The following EDNRB variants were observed in gnomAD, a reference collection of about 807,000 sequenced individuals.
EDNRB encodes the protein Hirschsprung disease 2.
EDNRB carries 18 observed loss-of-function variants against 46.4 expected under a neutral mutation model. That is an observed-to-expected ratio of 0.39 (90% CI 0.27 to 0.57). The LOEUF is 0.57. Ranked by LOEUF, EDNRB falls within the 20% of genes least tolerant of loss-of-function variation. EDNRB has a pLI of 0.61. For missense variants in EDNRB, 434 were observed against 537.5 expected (o/e 0.81, Z 1.90); for synonymous variants, 213 against 204.9 (o/e 1.04, Z -0.34).
rs1878627769 is a variant in EDNRB, at chr13:77,896,445, A to G, written c.*1755T>C. On this transcript the variant is annotated 3_prime_UTR_variant, in exon 7 of 7. Transcript: ENST00000646607. Reference sequence around the variant, plus strand: ...TAGAATCCATATGGTGTGTGAATTAATTATTATTGCTCTTTCTTTCTGGCC... The same window carrying G: ...TAGAATCCATATGGTGTGTGAATTAGTTATTATTGCTCTTTCTTTCTGGCC... 2 of 1,562,152 alleles carry G rather than the reference A, an allele frequency of 1.3e-6. No individual in the cohort carries two copies. Among genetic ancestry groups the G allele is most frequent in the African/African-American group, 1.4e-5 (1 of 73,992 alleles).
At chr13:77,920,614 A>G (rs1371228286), upstream of EDNRB, among the ~76,000 whole-genome samples, 2 of 152,240 alleles carry the variant, frequency 1.3e-5, no homozygotes, top group African/African-American at 4.8e-5. Flanking sequence ...CTATTTAAAA[A>G]GGTGAACTTT....
In EDNRB at chr13:77,900,797, G is replaced by T. The variant is rs538853995; in HGVS notation, c.952-143C>A. 6 of 1,302,998 alleles carry T rather than the reference G, an allele frequency of 4.6e-6. No homozygotes were observed. In the East Asian group the frequency reaches 1.5e-4, roughly 33 times the overall value. The allele number at this position is 1,302,998 out of a possible 1,614,324, so 80.7% of individuals were successfully genotyped here. A position where few individuals can be genotyped will look rare whatever the true frequency, so the allele number is the denominator to read the frequency against. The stretch of plus-strand genomic sequence containing the variant: ...AGGACACTGAGCTTTATATGGAATA[G>T]TTAATGTGAAGTGGAACCGAAGTGA... On this transcript the variant is annotated intron_variant, in intron 4 of 6. Coordinates refer to ENST00000646607, the MANE Select transcript of EDNRB (RefSeq NM_001122659.3).
At chr13:77,945,304 A>AC (rs1880873529) in intron 1 of EDNRB, among the ~76,000 whole-genome samples, 1 of 152,220 alleles carries the variant, frequency 6.6e-6, no homozygotes, top group East Asian at 1.9e-4. Flanking sequence ...TTGGGCAATC[A>AC]CTTAGATTCT....
intron 3 of EDNRB, among the ~76,000 whole-genome samples, chr13:77,902,680 C>T (rs886753175): frequency 1.3e-5 from 2 of 151,960 alleles, no homozygotes; most frequent in African/African-American, 4.8e-5. Flanking sequence ...CAACCCTACC[C>T]AATAGGGGAA....
intron 1 of EDNRB, among the ~76,000 whole-genome samples, chr13:77,962,124 T>G (rs916157846): frequency 1.3e-5 from 2 of 152,180 alleles, no homozygotes; most frequent in South Asian, 2.1e-4. Flanking sequence ...GCTCTGAAAT[T>G]GAGGCAATAA....
chr13:77,958,424 G>A (rs1431464167), intron 1 of EDNRB, among the ~76,000 whole-genome samples: 1 of 151,680 alleles, frequency 6.6e-6, no homozygotes, highest in Non-Finnish European at 1.5e-5. Context: ...CCAGGCTGGA[G>A]CGCAGTGGTG....
chr13:77,931,744 C>CAAAAAAAAAAAAAAACAAAA (rs1880408896), intron 1 of EDNRB, among the ~76,000 whole-genome samples: 2 of 83,450 alleles, frequency 2.4e-5, no homozygotes, highest in African/African-American at 4.7e-5. Flanking sequence ...ACTGTAGTAG[C>CAAAAAAAAAAAAAAACAAAA]AAAAAAAAAA....
intron 1 of EDNRB, among the ~76,000 whole-genome samples, chr13:77,970,298 A>C (rs1443201488): frequency 6.6e-6 from 1 of 152,192 alleles, no homozygotes; most frequent in Non-Finnish European, 1.5e-5. Flanking sequence ...GTATTTTCTG[A>C]GTCAAAGGGA....
At chr13:77,942,023 G>A (rs1880763836) in intron 1 of EDNRB, among the ~76,000 whole-genome samples, 1 of 152,154 alleles carries the variant, frequency 6.6e-6, no homozygotes, top group Non-Finnish European at 1.5e-5. Context: ...TGTTCTGCCT[G>A]TCATGTGCTT....
chr13:77,973,925 C>G (rs371367641), intron 1 of EDNRB, among the ~76,000 whole-genome samples: 3 of 143,454 alleles, frequency 2.1e-5, no homozygotes, highest in African/African-American at 8.2e-5. Context: ...AAATTCTGCC[C>G]CCCCTTTTTT....
At chr13:77,902,326 C>G (rs1460654774) in intron 3 of EDNRB, among the ~76,000 whole-genome samples, 1 of 151,902 alleles carries the variant, frequency 6.6e-6, no homozygotes. Context: ...TTCAAAGAAC[C>G]AATATGTCAG....
rs1878599638 is a variant in EDNRB at position 77,895,911 on chromosome 13, T to C, written c.*2289A>G. ...GGAGAAAATAGGTTAAAATCTTTTA[T>C]AAATCTTTTGAGCTGTAACATCCAT... On this transcript the variant is annotated 3_prime_UTR_variant, in exon 7 of 7. Coordinates refer to ENST00000646607, the MANE Select transcript of EDNRB (RefSeq NM_001122659.3). 1 of 152,606 alleles carries C rather than the reference T, an allele frequency of 6.6e-6. No homozygotes were observed. Among genetic ancestry groups the C allele is most frequent in the African/African-American group, 2.4e-5 (1 of 41,456 alleles). The allele number at this position is 152,606 out of a possible 1,614,324, so 9.5% of individuals were successfully genotyped here. A position where few individuals can be genotyped will look rare whatever the true frequency, so the allele number is the denominator to read the frequency against.
At position 77,897,531 on chromosome 13, in the gene EDNRB, G is replaced by T. The variant is rs1878695233; in HGVS notation, c.*669C>A. The T allele has an allele frequency of 1.0e-6, 1 of 982,978 alleles. No individual in the cohort carries two copies. The highest frequency in any genetic ancestry group is 1.2e-6 in the Non-Finnish European group (1 of 827,806). 60.9% of individuals were successfully genotyped at this position (982,978 alleles called of 1,614,324 possible). A position where few individuals can be genotyped will look rare whatever the true frequency, so the allele number is the denominator to read the frequency against. On this transcript the variant is annotated 3_prime_UTR_variant, in exon 7 of 7. Transcript: ENST00000646607. Reference sequence around the variant, plus strand: ...TGTGCCAGTCTGTTACATGCTGCTTGTTTGTGACATGTTGGTTACATATTG... The same window carrying T: ...TGTGCCAGTCTGTTACATGCTGCTTTTTTGTGACATGTTGGTTACATATTG...
chr13:77,921,495 C>G (rs1351658532), upstream of EDNRB, among the ~76,000 whole-genome samples: 1 of 152,160 alleles, frequency 6.6e-6, no homozygotes, highest in Non-Finnish European at 1.5e-5. Context: ...CAGTAATTCA[C>G]TTAAGGTCAT....
chr13:77,968,179 A>G (rs1881633804), intron 1 of EDNRB, among the ~76,000 whole-genome samples: 1 of 151,800 alleles, frequency 6.6e-6, no homozygotes, highest in African/African-American at 2.4e-5. Context: ...TTTTTTTTTA[A>G]TGTGAAGATT....
intron 1 of EDNRB, among the ~76,000 whole-genome samples, chr13:77,938,340 G>C (rs1347804502): frequency 6.6e-6 from 1 of 151,840 alleles, no homozygotes; most frequent in African/African-American, 2.4e-5. Context: ...GGGGCACAGA[G>C]ATAAGAGGTC....
rs1326106408 is a variant in EDNRB, at chr13:77,896,910, G to A, written c.*1290C>T. On this transcript the variant is annotated 3_prime_UTR_variant, in exon 7 of 7. Transcript: ENST00000646607. ...TAAGAGGTTCTTACGGTCTCAAAAAGCAGTTTTGCCTCTAGATGAAAGAAA... is the reference window on the plus strand; with the variant it reads ...TAAGAGGTTCTTACGGTCTCAAAAAACAGTTTTGCCTCTAGATGAAAGAAA... 1 of 996,152 alleles carries A rather than the reference G, an allele frequency of 1.0e-6. No individual in the cohort carries two copies. The highest frequency in any genetic ancestry group is 1.2e-6 in the Non-Finnish European group (1 of 837,178). 61.7% of individuals were successfully genotyped at this position (996,152 alleles called of 1,614,324 possible).
At chr13:77,943,910 C>A (rs1005321596) in intron 1 of EDNRB, among the ~76,000 whole-genome samples, 1 of 151,922 alleles carries the variant, frequency 6.6e-6, no homozygotes, top group African/African-American at 2.4e-5. Context: ...TAATATAGTC[C>A]TTTTCTTTCA....
intron 1 of EDNRB, among the ~76,000 whole-genome samples, chr13:77,907,105 G>A (rs544761219): frequency 1.3e-5 from 2 of 152,094 alleles, no homozygotes; most frequent in South Asian, 2.1e-4. Context: ...CACCTAGTGC[G>A]ATGGTTAACT....
Sources: allele counts gnomAD v4.1 joint callset (sites outside exome capture counted in the v4.1 genomes callset), GRCh38; gene constraint gnomAD v4.1.1; transcripts MANE v1.5; gene names NCBI Gene and HGNC (gene_info 2026-07-23, HGNC 2026-07-21).